Variants in FGD4 observed in about 807,000 individuals in gnomAD.
FGD4 encodes the protein FYVE, RhoGEF and PH domain containing 4.
A neutral mutation model predicts 102.0 loss-of-function variants in FGD4; 42 were observed. That is an observed-to-expected ratio of 0.41 (90% CI 0.32 to 0.53). The LOEUF is 0.53. FGD4 is among the 20% of genes least tolerant of loss of function. FGD4 has a pLI of 0.21. For synonymous variants in FGD4, 380 were observed against 375.7 expected, an observed-to-expected ratio of 1.01 and a Z score of -0.13; for missense variants, 902 against 1,078.2, an observed-to-expected ratio of 0.84 and a Z score of 2.29.
chr12:32,448,681 G>T (rs1469971999), intron 1 of FGD4, among the ~76,000 whole-genome samples: 1 of 151,312 alleles, frequency 6.6e-6, no homozygotes, highest in Non-Finnish European at 1.5e-5. Flanking sequence ...AAGAAAAAGG[G>T]GTGATTGAGC....
chr12:32,420,008 T>C lies in FGD4; in HGVS notation c.166+20049T>C, dbSNP rs143230829. Among the ~76,000 whole-genome samples, 199 of 152,328 alleles carry C rather than the reference T, an allele frequency of 1.3e-3. 1 individual carries two copies. Among genetic ancestry groups the C allele is most frequent in the African/African-American group, 4.5e-3 (188 of 41,578 alleles). ...CTCTTCAATGTCTCTTTCAGTGATA[T>C]GAAATTAAAACCAGCTACTGTGAAT... is the stretch of plus-strand genomic sequence containing the variant. On this transcript the variant is annotated intron_variant, in intron 1 of 16. Coordinates refer to ENST00000534526, the MANE Select transcript of FGD4 (RefSeq NM_001370298.3).
intron 1 of FGD4, among the ~76,000 whole-genome samples, chr12:32,422,511 G>A (rs1427373572): frequency 6.6e-6 from 1 of 150,564 alleles, no homozygotes; most frequent in East Asian, 2.0e-4. Context: ...TGTTAGCCAG[G>A]ATGGTCTCGA....
intron 10 of FGD4, among the ~76,000 whole-genome samples, chr12:32,618,876 G>A (rs1949612845): frequency 6.6e-6 from 1 of 152,212 alleles, no homozygotes; most frequent in African/African-American, 2.4e-5. Flanking sequence ...TGAGGCAGAA[G>A]GATGACTTGA....
At chr12:32,613,811 G>A (rs755068654) in intron 10 of FGD4, among the ~76,000 whole-genome samples, 1 of 152,050 alleles carries the variant, frequency 6.6e-6, no homozygotes, top group Non-Finnish European at 1.5e-5. Context: ...GTTGAAAAGA[G>A]CCCCTATCAA....
Position 32,634,303 on chromosome 12 carries a change from G to A in FGD4, c.2313+614G>A, listed in dbSNP as rs113360542. The stretch of plus-strand genomic sequence containing the variant: ...AAGGAAAGCTTTTACTCTCAATTTC[G>A]TCATATTGGCTTTACAAACCACTTT... On this transcript the variant is annotated intron_variant, in intron 15 of 16. Coordinates refer to ENST00000534526, the MANE Select transcript of FGD4 (RefSeq NM_001370298.3). 1.9e-3 allele frequency among the ~76,000 whole-genome samples: 286 copies of A among 152,014 alleles called. 1 individual carries two copies. Among genetic ancestry groups the A allele is most frequent in the African/African-American group, 6.4e-3 (264 of 41,386 alleles).
chr12:32,551,084 G>A (rs573591738), intron 1 of FGD4, among the ~76,000 whole-genome samples: 18 of 152,236 alleles, frequency 1.2e-4, no homozygotes, highest in African/African-American at 4.3e-4. Context: ...TATCCAAAAT[G>A]GTCTATTGGT....
chr12:32,460,388 G>A (rs145026099), intron 1 of FGD4, among the ~76,000 whole-genome samples: 5,769 of 151,982 alleles, frequency 0.038, 169 homozygotes, highest in South Asian at 0.12. Context: ...GGTGGTGCGT[G>A]CCCGTAGCAC....
rs909875227 is a variant in FGD4, at chr12:32,638,672, A to G, written c.2331A>G (p.Val777=). The G allele has an allele frequency of 3.0e-5, 48 of 1,614,092 alleles. No individual in the cohort carries two copies. The highest frequency in any genetic ancestry group is 4.1e-5 in the Non-Finnish European group (48 of 1,180,050). Residue 777 remains valine, a synonymous_variant, in exon 16 of 17, where the codon GTA becomes GTG. Transcript: ENST00000534526. ...KGILEIESAE[V]SGNSVVCSFL... ...TTTTCTAGATTGAATCAGCAGAAGT[A>G]TCTGGAAACAGTGTGGTGTGCAGCT...
chr12:32,513,026 G>T (rs890038523), intron 1 of FGD4, among the ~76,000 whole-genome samples: 1 of 152,156 alleles, frequency 6.6e-6, no homozygotes, highest in African/African-American at 2.4e-5. Flanking sequence ...CCAAAGCTTT[G>T]CTGGGCCAAT....
chr12:32,474,107 T>C (rs1591972322), intron 1 of FGD4, among the ~76,000 whole-genome samples: 1 of 150,722 alleles, frequency 6.6e-6, no homozygotes, highest in Non-Finnish European at 1.5e-5. Context: ...AAACAAAAAG[T>C]ATTCGGGGCT....
intron 1 of FGD4, among the ~76,000 whole-genome samples, chr12:32,547,997 C>T (rs1943365177): frequency 6.6e-6 from 1 of 152,164 alleles, no homozygotes; most frequent in African/African-American, 2.4e-5. Context: ...TGAGCCACTG[C>T]ACCCGGCCTC....
chr12:32,532,311 T>A (rs576588105), intron 1 of FGD4, among the ~76,000 whole-genome samples: 96 of 152,362 alleles, frequency 6.3e-4, no homozygotes, highest in Non-Finnish European at 1.0e-3. Context: ...GGGTGACTGC[T>A]ATACCATTAT....
chr12:32,608,872 T>C (rs1254477910), intron 8 of FGD4, among the ~76,000 whole-genome samples: 1 of 152,184 alleles, frequency 6.6e-6, no homozygotes, highest in Admixed American at 6.5e-5. Context: ...ACATTTTTTG[T>C]CTTGGATCCT....
Position 32,605,240 on chromosome 12 carries a change from A to G in FGD4, c.1405-2717A>G, listed in dbSNP as rs531022422. Reference sequence around the variant, plus strand: ...AGGCAGGAGCCACTGCACCCGGCCTATCAGCTGCTTTTAACAGGGAGGATT... The same window carrying G: ...AGGCAGGAGCCACTGCACCCGGCCTGTCAGCTGCTTTTAACAGGGAGGATT... On this transcript the variant is annotated intron_variant, in intron 7 of 16. Transcript: ENST00000534526. Among the ~76,000 whole-genome samples, 18 of 152,016 alleles carry G rather than the reference A, an allele frequency of 1.2e-4. No homozygotes were observed. In the East Asian group the frequency reaches 2.3e-3, roughly 20 times the overall value.
At chr12:32,546,452 C>T (rs893492446) in intron 1 of FGD4, among the ~76,000 whole-genome samples, 12 of 152,242 alleles carry the variant, frequency 7.9e-5, no homozygotes, top group African/African-American at 2.9e-4. Context: ...GAATTAAAAG[C>T]CCTGTTGTGA....
At chr12:32,574,943 A>G (rs533514158) in intron 2 of FGD4, 11 of 152,296 alleles carry the variant, frequency 7.2e-5, no homozygotes, top group African/African-American at 2.2e-4. Flanking sequence ...AAAATACTAC[A>G]TGTTATATAG....
chr12:32,592,771 A>T (rs904341067), intron 4 of FGD4, among the ~76,000 whole-genome samples: 1 of 152,184 alleles, frequency 6.6e-6, no homozygotes, highest in African/African-American at 2.4e-5. Flanking sequence ...GTTGGAAGCC[A>T]CCATATTATT....
At chr12:32,521,128 C>T (rs1191422072) in intron 1 of FGD4, among the ~76,000 whole-genome samples, 7 of 152,006 alleles carry the variant, frequency 4.6e-5, no homozygotes, top group African/African-American at 1.7e-4. Context: ...GTGGTTCACA[C>T]CTGTAATCCC....
chr12:32,432,204 C>T (rs1417905080), intron 1 of FGD4, among the ~76,000 whole-genome samples: 5 of 151,888 alleles, frequency 3.3e-5, no homozygotes, highest in East Asian at 2.0e-4. Flanking sequence ...GGACTACAGG[C>T]GCCCACCACC....
Sources: allele counts gnomAD v4.1 joint callset (sites outside exome capture counted in the v4.1 genomes callset), GRCh38; gene constraint gnomAD v4.1.1; transcripts MANE v1.5; gene names NCBI Gene and HGNC (gene_info 2026-07-23, HGNC 2026-07-21).